The following CSPG4 variants were observed in gnomAD, a reference collection of about 807,000 sequenced individuals.
CSPG4 encodes the protein chondroitin sulfate proteoglycan 4.
Under a neutral mutation model 139.3 loss-of-function variants are expected in CSPG4, and 74 were observed. The ratio of observed to expected loss-of-function variants is 0.53; its 90% CI spans 0.44 to 0.64. CSPG4 has a LOEUF of 0.64. CSPG4 is among the 30% of genes least tolerant of loss of function. The probability of loss-of-function intolerance (pLI) is 0.00; values close to 1 mark genes in which losing one functional copy is unlikely to be tolerated. For missense variants in CSPG4, 2,565 were observed against 3,148.3 expected (o/e 0.81, Z 4.43); for synonymous variants, 1,234 against 1,394.2 (o/e 0.89, Z 2.56).
chr15:75,685,024 A>G, intron 4 of CSPG4, 112 bp from the exon 5 acceptor site: 1 of 1,296,862 alleles, frequency 7.7e-7, no homozygotes, highest in East Asian at 2.3e-5. Context: ...ATTGGTAGAA[A>G]ATGGGGACCA....
chr15:75,694,338 A>G (rs1894200255), intron 1 of CSPG4, among the ~76,000 whole-genome samples: 1 of 152,148 alleles, frequency 6.6e-6, no homozygotes, highest in Admixed American at 6.5e-5. Flanking sequence ...CGCTGCCACA[A>G]TTTCTGGTCC....
In CSPG4 at chr15:75,685,588, G is replaced by A. The variant is rs374774322; in HGVS notation, c.3903C>T (p.Ser1301=). 4.3e-6 allele frequency: 7 copies of A among 1,609,418 alleles called. No homozygotes were observed. Among genetic ancestry groups the A allele is most frequent in the Non-Finnish European group, 3.4e-6 (4 of 1,179,102 alleles). ...GGGAGAAGCTCTGCACAGGGTCCAG[G>A]CTGGGTGGCTCATCTGCCAAGGCGC... ...SRGALADEPP[S]LDPVQSFSQE... Residue 1301 remains serine (S), a synonymous_variant, in exon 4 of 10, where the codon AGC becomes AGT. Transcript: ENST00000308508.
At chr15:75,712,296 C>G (rs986300378) in intron 1 of CSPG4, among the ~76,000 whole-genome samples, 2 of 151,942 alleles carry the variant, frequency 1.3e-5, no homozygotes, top group African/African-American at 4.8e-5. Context: ...CGCCGGGTCC[C>G]TTTGGACCCC....
Position 75,690,533 on chromosome 15 carries a change from G to A in CSPG4, c.532C>T (p.Arg178Cys), listed in dbSNP as rs776569316. ...GCLHAATLNG[R>C]SLLRPLTPDV... ...GGGGTCAGAGGCCGGAGGAGGCTGC[G>A]GCCATTGAGGGTGGCTGCATGGAGG... Residue 178 changes from arginine (R) to cysteine (C), a missense_variant, in exon 3 of 10, where the codon CGC becomes TGC. Arg to Cys is a radical substitution (Grantham distance 180, BLOSUM62 -3). Around this residue, in one of 5 missense-constraint regions of CSPG4, gnomAD observed 132 missense variants for 132.3 expected, o/e 1.00. Coordinates refer to ENST00000308508, the MANE Select transcript of CSPG4 (RefSeq NM_001897.5). 3.5e-5 allele frequency: 57 copies of A among 1,609,400 alleles called. No homozygotes were observed. Among genetic ancestry groups the A allele is most frequent in the Admixed American group, 6.7e-5 (4 of 59,890 alleles).
At chr15:75,706,438 TGTGA>T (rs760265172) in intron 1 of CSPG4, among the ~76,000 whole-genome samples, 155 of 151,976 alleles carry the variant, frequency 1.0e-3, no homozygotes, top group Non-Finnish European at 1.4e-3. Flanking sequence ...TATGTGTGTG[TGTGA>T]GTGTGTGTGT....
intron 8 of CSPG4, chr15:75,678,502 GC>G (rs1893924463): frequency 2.6e-6 from 1 of 378,546 alleles, no homozygotes; most frequent in Admixed American, 3.0e-5. Flanking sequence ...GCAGGCACAT[GC>G]CACCACACCC....
At position 75,682,129 on chromosome 15, in the gene CSPG4, C is replaced by T. The variant is rs1214045592; in HGVS notation, c.4950+164G>A. 5.9e-5 allele frequency among the ~76,000 whole-genome samples: 9 copies of T among 152,238 alleles called. No individual in the cohort carries two copies. In the South Asian group the frequency reaches 8.3e-4, roughly 14 times the overall value. The stretch of plus-strand genomic sequence containing the variant: ...ACATGAACTTGCCCTGCCAGCCTGG[C>T]GGCTCCTGGAGGACAGGACACTAGC... On this transcript the variant is annotated intron_variant, in intron 8 of 9. Transcript: ENST00000308508.
At chr15:75,710,772 G>A (rs1057243374) in intron 1 of CSPG4, among the ~76,000 whole-genome samples, 5 of 152,218 alleles carry the variant, frequency 3.3e-5, no homozygotes, top group African/African-American at 9.6e-5. Flanking sequence ...GCAGAAATCA[G>A]GGCAGGCAGC....
At chr15:75,681,003 A>G (rs142187450) in intron 8 of CSPG4, among the ~76,000 whole-genome samples, 6,098 of 152,230 alleles carry the variant, frequency 0.04, 166 homozygotes, top group Admixed American at 0.077. Flanking sequence ...TGGGACTATA[A>G]AGTGCAAGAG....
chr15:75,678,548 C>T (rs1376979852), intron 8 of CSPG4: 1 of 428,314 alleles, frequency 2.3e-6, no homozygotes, highest in Admixed American at 2.5e-5. Context: ...GAGACAGGGT[C>T]TCACTATGTT....
In CSPG4 at chr15:75,688,322, C is replaced by T. The variant is rs777415564; in HGVS notation, c.2743G>A (p.Gly915Ser). 14 of 1,613,108 alleles carry T rather than the reference C, an allele frequency of 8.7e-6. No homozygotes were observed. The East Asian group carries it at 1.8e-4, about 21-fold the overall frequency. The change falls in exon 3 of 10, where the codon GGT (glycine) becomes AGT (serine). Residue 915 changes from glycine to serine, a missense_variant. Transcript: ENST00000308508. ...AAGAGGTGGTCAGCAGAGAGGACAC[C>T]CTCACCACCCTCAGGCACCACGAGG... is the stretch of plus-strand genomic sequence containing the variant. ...VLLVVPEGGE[G>S]VLSADHLFVK... is the part of the protein sequence containing the mutation.
rs369304264 is a variant in CSPG4, at chr15:75,676,977, G to T, written c.5542C>A (p.Arg1848Ser). Residue 1848 changes from arginine to serine, a missense_variant, in exon 10 of 10, where the codon CGT (arginine) becomes AGT (serine). Arg to Ser is a moderately radical substitution (Grantham distance 110). Around this residue, in one of 5 missense-constraint regions of CSPG4, gnomAD observed 2,316 missense variants for 2,818.2 expected, o/e 0.82. Transcript: ENST00000308508. The part of the protein sequence containing the change: ...SVPLRLTRGS[R>S]APISRAQLSV... ...AGCTGGGCCCGGGAGATGGGGGCAC[G>T]AGAGCCTCGGGTGAGCCGGAGTGGG... 3 of 1,484,348 alleles carry T rather than the reference G, an allele frequency of 2.0e-6. No individual in the cohort carries two copies. The highest frequency in any genetic ancestry group is 2.4e-5 in the Admixed American group (1 of 42,132). The allele number at this position is 1,484,348 out of a possible 1,614,324, so 91.9% of individuals were successfully genotyped here. A position where few individuals can be genotyped will look rare whatever the true frequency, so the allele number is the denominator to read the frequency against.
chr15:75,674,496 C>G lies in CSPG4; in HGVS notation c.*1054G>C, dbSNP rs537326846. ...GCCCCAGGAGGTGGAAGTTCAGAGG[C>G]CTGCCTGGCCCTGTCCATCCCACTG... On this transcript the variant is annotated 3_prime_UTR_variant, in exon 10 of 10. Coordinates refer to ENST00000308508, the MANE Select transcript of CSPG4 (RefSeq NM_001897.5). The G allele has an allele frequency of 1.7e-4, 66 of 378,804 alleles. No homozygotes were observed. Among genetic ancestry groups the G allele is most frequent in the African/African-American group, 1.3e-3 (61 of 48,378 alleles). 23.5% of individuals were successfully genotyped at this position (378,804 alleles called of 1,614,324 possible).
chr15:75,701,620 T>G (rs1019381518), intron 1 of CSPG4, among the ~76,000 whole-genome samples: 2 of 152,044 alleles, frequency 1.3e-5, no homozygotes, highest in African/African-American at 4.8e-5. Context: ...GCCACCACAC[T>G]CCCTCTGGCC....
In CSPG4 at chr15:75,688,001, T is replaced by C; in HGVS notation, c.3064A>G (p.Thr1022Ala). 2.5e-6 allele frequency: 4 copies of C among 1,612,358 alleles called. No homozygotes were observed. Among genetic ancestry groups the C allele is most frequent in the Non-Finnish European group, 3.4e-6 (4 of 1,179,682 alleles). ...GCCACATGGAAGATCCGGCTGATGG[T>C]CTGCACAGGGGCGTGGTCATTCACG... ...QPVNDHAPVQ[T>A]ISRIFHVARG... Residue 1022 changes from threonine to alanine, a missense_variant, in exon 3 of 10, where the codon ACC becomes GCC. By Grantham distance (58) the Thr-to-Ala change is moderately conservative. Transcript: ENST00000308508.
intron 2 of CSPG4, among the ~76,000 whole-genome samples, chr15:75,691,463 G>C (rs1270280126): frequency 6.6e-6 from 1 of 152,208 alleles, no homozygotes; most frequent in African/African-American, 2.4e-5. Flanking sequence ...TTGAGTGAGA[G>C]GTGCCAGAAA....
chr15:75,701,699 T>C (rs542992407), intron 1 of CSPG4, among the ~76,000 whole-genome samples: 22 of 152,124 alleles, frequency 1.4e-4, no homozygotes, highest in African/African-American at 5.1e-4. Flanking sequence ...TGGCACCAAC[T>C]CTCCAGGGCT....
At position 75,712,771 on chromosome 15, in the gene CSPG4, GGCAGGACTTGCGA is replaced by G; in HGVS notation, c.-29_-17del. The G allele has an allele frequency of 6.5e-7, 1 of 1,536,520 alleles. No homozygotes were observed. The highest frequency in any genetic ancestry group is 1.2e-5 in the South Asian group (1 of 83,054). On this transcript the variant is annotated 5_prime_UTR_variant, in exon 1 of 10. Coordinates refer to ENST00000308508, the MANE Select transcript of CSPG4 (RefSeq NM_001897.5). ...CGGACTGCATCCCGGCGGGCTGGGC[GGCAGGACTTGCGA>G]GGAGCCAGCGGAGTCCTGGGAGCTG...
chr15:75,699,297 G>A (rs546339020), intron 1 of CSPG4, among the ~76,000 whole-genome samples: 1 of 152,332 alleles, frequency 6.6e-6, no homozygotes, highest in South Asian at 2.1e-4. Context: ...AAACTCTTGA[G>A]CCAAGAGACA....
Sources: allele counts gnomAD v4.1 joint callset (sites outside exome capture counted in the v4.1 genomes callset), GRCh38; gene constraint gnomAD v4.1.1; regional missense constraint gnomAD v4.1.1; transcripts MANE v1.5; gene names NCBI Gene and HGNC (gene_info 2026-07-23, HGNC 2026-07-21).